Variants in SEPTIN9 observed in about 807,000 individuals in gnomAD.
SEPTIN9 encodes the protein septin-9.
SEPTIN9 carries 13 observed loss-of-function variants against 56.6 expected under a neutral mutation model. The ratio of observed to expected loss-of-function variants is 0.23; its 90% CI spans 0.15 to 0.37. The LOEUF is 0.37. SEPTIN9 is among the 10% of genes least tolerant of loss of function. The pLI is 1.00. For missense variants in SEPTIN9, 650 were observed against 823.1 expected, an observed-to-expected ratio of 0.79 and a Z score of 2.57; for synonymous variants, 332 against 334.1, an observed-to-expected ratio of 0.99 and a Z score of 0.07.
At chr17:77,345,546 T>A (rs1411428036) in intron 2 of SEPTIN9, among the ~76,000 whole-genome samples, 1 of 152,084 alleles carries the variant, frequency 6.6e-6, no homozygotes, top group Non-Finnish European at 1.5e-5. Context: ...GCTTACTGGG[T>A]AGCCGAGAAA....
rs2034056667 is a variant in SEPTIN9, at chr17:77,351,269, ACG to A, written c.76+44073_76+44074del. On this transcript the variant is annotated intron_variant, in intron 2 of 11. Transcript: ENST00000427177. Reference sequence around the variant, plus strand: ...CACACACACACACACACACACACACACGAGTCAGGGGCGAGCACTCCTGTGGA... The same window carrying A: ...CACACACACACACACACACACACACAAGTCAGGGGCGAGCACTCCTGTGGA... 2.1e-5 allele frequency among the ~76,000 whole-genome samples: 3 copies of A among 141,812 alleles called. No individual in the cohort carries two copies. In the South Asian group the frequency reaches 6.7e-4, roughly 32 times the overall value. The allele number at this position is 141,812 out of a possible 152,430, so 93.0% of individuals were successfully genotyped here. A position where few individuals can be genotyped will look rare whatever the true frequency, so the allele number is the denominator to read the frequency against.
Position 77,367,424 on chromosome 17 carries a change from T to C in SEPTIN9, c.77-34635T>C, listed in dbSNP as rs1190060731. 3.9e-5 allele frequency among the ~76,000 whole-genome samples: 6 copies of C among 152,182 alleles called. No homozygotes were observed. Among genetic ancestry groups the C allele is most frequent in the African/African-American group, 1.4e-4 (6 of 41,436 alleles). ...GCCATTCTGCAAAGGAAACTGCGCTTTGTCATTGCACAGGATCGAACAGGT... is the reference window on the plus strand; with the variant it reads ...GCCATTCTGCAAAGGAAACTGCGCTCTGTCATTGCACAGGATCGAACAGGT... On this transcript the variant is annotated intron_variant, in intron 2 of 11. Coordinates refer to ENST00000427177, the MANE Select transcript of SEPTIN9 (RefSeq NM_001113491.2). This position sits in a 1 kb window ranked among gnomAD's most constrained non-coding sequence, Gnocchi z 4.5.
chr17:77,478,322 A>G (rs1269137165), intron 3 of SEPTIN9, among the ~76,000 whole-genome samples: 1 of 152,220 alleles, frequency 6.6e-6, no homozygotes, highest in African/African-American at 2.4e-5. Context: ...CACTGTGGCA[A>G]TTCCTCAAAA....
At chr17:77,396,783 C>T (rs975989527) in intron 2 of SEPTIN9, among the ~76,000 whole-genome samples, 2 of 152,142 alleles carry the variant, frequency 1.3e-5, no homozygotes, top group South Asian at 2.1e-4. Flanking sequence ...CAGGGATGAT[C>T]TTGTTTCATT....
At chr17:77,311,211 C>T (rs1200955610) in intron 2 of SEPTIN9, among the ~76,000 whole-genome samples, 1 of 148,276 alleles carries the variant, frequency 6.7e-6, no homozygotes, top group Non-Finnish European at 1.5e-5. Flanking sequence ...TGGGAAGAGG[C>T]AAGGAAGGAC....
rs2032790782 is a variant in SEPTIN9 at position 77,318,643 on chromosome 17, T to C, written c.76+11446T>C. On this transcript the variant is annotated intron_variant, in intron 2 of 11. Transcript: ENST00000427177. The surrounding 1 kb of genome is among the most constrained non-coding windows in gnomAD (Gnocchi z 4.9). Reference sequence around the variant, plus strand: ...AGGCTCTTTGGGAGGAGGTGGTTGCTTGATGTCTCCCAGAAGGCTGGGAAT... The same window carrying C: ...AGGCTCTTTGGGAGGAGGTGGTTGCCTGATGTCTCCCAGAAGGCTGGGAAT... Among the ~76,000 whole-genome samples the C allele has an allele frequency of 6.6e-6, 1 of 152,068 alleles. No individual in the cohort carries two copies. Among genetic ancestry groups the C allele is most frequent in the African/African-American group, 2.4e-5 (1 of 41,406 alleles).
intron 1 of SEPTIN9, among the ~76,000 whole-genome samples, chr17:77,282,567 T>C (rs1411503667): frequency 6.6e-6 from 1 of 152,212 alleles, no homozygotes; most frequent in African/African-American, 2.4e-5. Flanking sequence ...CATTGTCGGT[T>C]TCCTCTGGCT....
At chr17:77,342,165 C>T (rs1385800161) in intron 2 of SEPTIN9, among the ~76,000 whole-genome samples, 2 of 152,036 alleles carry the variant, frequency 1.3e-5, no homozygotes, top group Admixed American at 6.6e-5. Flanking sequence ...TGAACTATTT[C>T]AAGAATCATC....
intron 2 of SEPTIN9, among the ~76,000 whole-genome samples, chr17:77,384,196 G>A (rs1003794284): frequency 3.3e-5 from 5 of 152,188 alleles, no homozygotes; most frequent in African/African-American, 1.2e-4. Context: ...CCTGTGTTCC[G>A]TGGCAGGGTA....
chr17:77,361,733 C>T (rs909295947), intron 2 of SEPTIN9, among the ~76,000 whole-genome samples: 6 of 152,160 alleles, frequency 3.9e-5, no homozygotes, highest in African/African-American at 4.8e-5. Flanking sequence ...CCCAGGTTCA[C>T]GCCATTCTCC....
At chr17:77,309,927 C>G (rs1017378521) in intron 2 of SEPTIN9, among the ~76,000 whole-genome samples, 2 of 152,150 alleles carry the variant, frequency 1.3e-5, no homozygotes, top group African/African-American at 4.8e-5. Flanking sequence ...TGGGATCTGG[C>G]CCCGGGCAGG....
chr17:77,336,708 G>A (rs1272134206), intron 2 of SEPTIN9, among the ~76,000 whole-genome samples: 1 of 149,852 alleles, frequency 6.7e-6, no homozygotes, highest in Non-Finnish European at 1.5e-5. Context: ...TTGATGCCTT[G>A]TTTTTTTTTC....
At chr17:77,337,006 T>G (rs2033576400) in intron 2 of SEPTIN9, among the ~76,000 whole-genome samples, 1 of 151,294 alleles carries the variant, frequency 6.6e-6, no homozygotes. Context: ...CCGTTTTTTT[T>G]TTTTTTTTTT....
At chr17:77,382,333 C>T (rs1398400417) in intron 2 of SEPTIN9, among the ~76,000 whole-genome samples, 1 of 152,228 alleles carries the variant, frequency 6.6e-6, no homozygotes, top group Non-Finnish European at 1.5e-5. Flanking sequence ...TCGGCCTTCT[C>T]TTGCCATTTC....
rs2032750333 is a variant in SEPTIN9, at chr17:77,317,396, C to A, written c.76+10199C>A. Among the ~76,000 whole-genome samples, 1 of 152,216 alleles carries A rather than the reference C, an allele frequency of 6.6e-6. No homozygotes were observed. The highest frequency in any genetic ancestry group is 6.5e-5 in the Admixed American group (1 of 15,276). ...AGCTTCATCTGTATTTACAGTCACT[C>A]CCCATTGCTCGCATTACTGCCCAAG... On this transcript the variant is annotated intron_variant, in intron 2 of 11. Transcript: ENST00000427177. The surrounding 1 kb of genome is among the most constrained non-coding windows in gnomAD (Gnocchi z 4.2).
At chr17:77,368,717 A>G (rs1286372800) in intron 2 of SEPTIN9, among the ~76,000 whole-genome samples, 1 of 152,226 alleles carries the variant, frequency 6.6e-6, no homozygotes, top group African/African-American at 2.4e-5. Context: ...ACAAGTTATG[A>G]AGGAAAAATT....
chr17:77,490,313 G>A (rs1432235407), intron 7 of SEPTIN9, among the ~76,000 whole-genome samples: 2 of 151,896 alleles, frequency 1.3e-5, no homozygotes, highest in African/African-American at 2.4e-5. Context: ...GGAGCAGCCC[G>A]CCTGGTGCAG....
At chr17:77,356,328 TG>T (rs1296003512) in intron 2 of SEPTIN9, among the ~76,000 whole-genome samples, 1 of 152,072 alleles carries the variant, frequency 6.6e-6, no homozygotes, top group Non-Finnish European at 1.5e-5. Flanking sequence ...GACTCCGGGC[TG>T]AGCTCCTGTG....
intron 3 of SEPTIN9, among the ~76,000 whole-genome samples, chr17:77,471,581 G>C (rs2038998500): frequency 6.6e-6 from 1 of 152,284 alleles, no homozygotes; most frequent in South Asian, 2.1e-4. Flanking sequence ...TCTGCTGATA[G>C]CAGAAGGGGC....
Sources: gnomAD v4.1 joint callset for allele counts (sites outside exome capture counted in the v4.1 genomes callset) on GRCh38, gnomAD v4.1.1 for gene constraint, Gnocchi (gnomAD v3.1) non-coding constraint, MANE v1.5 for transcripts, NCBI Gene and HGNC (gene_info 2026-07-23, HGNC 2026-07-21) for gene names.